TENM2: variants seen among roughly 807,000 people sequenced by gnomAD.
The protein encoded by TENM2 is teneurin transmembrane protein 2.
A neutral mutation model predicts 245.2 loss-of-function variants in TENM2; 52 were observed. The ratio of observed to expected loss-of-function variants is 0.21; its 90% confidence interval spans 0.17 to 0.27. TENM2 has a LOEUF of 0.27. TENM2 is among the 10% of genes least tolerant of loss of function. The pLI is 1.00. For missense variants in TENM2, 3,046 were observed against 3,666.8 expected, an observed-to-expected ratio of 0.83 and a Z score of 4.37; for synonymous variants, 1,363 against 1,438.9, an observed-to-expected ratio of 0.95 and a Z score of 1.19.
At chr5:168,245,045 G>A (rs959532773) in intron 26 of TENM2, among the ~76,000 whole-genome samples, 1 of 152,086 alleles carries the variant, frequency 6.6e-6, no homozygotes, top group Non-Finnish European at 1.5e-5. Flanking sequence ...GGGATTACAG[G>A]TATGAGTCAC....
intron 1 of TENM2, among the ~76,000 whole-genome samples, chr5:167,347,739 C>CT (rs1182232431): frequency 4.6e-5 from 7 of 151,890 alleles, no homozygotes; most frequent in African/African-American, 1.7e-4. Context: ...CTTCCTCCTC[C>CT]TGTCCTATCA....
chr5:167,562,387 A>AAG (rs1773650085), intron 2 of TENM2, among the ~76,000 whole-genome samples: 10 of 152,190 alleles, frequency 6.6e-5, no homozygotes, highest in Admixed American at 6.5e-4. Context: ...AAATAATTGC[A>AAG]GAACAATGGG....
At chr5:167,731,432 A>T (rs920989704) in intron 2 of TENM2, among the ~76,000 whole-genome samples, 1 of 152,096 alleles carries the variant, frequency 6.6e-6, no homozygotes, top group Admixed American at 6.6e-5. Flanking sequence ...AAACCAGGTC[A>T]TTCTTTGATC....
chr5:166,983,662 A>G, the TENM2 span, among the ~76,000 whole-genome samples: 3 of 152,078 alleles, frequency 2.0e-5, no homozygotes, highest in African/African-American at 4.8e-5. Flanking sequence ...TCTTATCAAC[A>G]TGGTGTTGCT....
chr5:167,344,846 TG>T (rs1758361616), intron 1 of TENM2, among the ~76,000 whole-genome samples: 1 of 152,054 alleles, frequency 6.6e-6, no homozygotes, highest in Admixed American at 6.5e-5. Context: ...CAGAAAGCAG[TG>T]GGGCAGCCAC....
chr5:167,529,736 A>G (rs1441356642), intron 2 of TENM2, among the ~76,000 whole-genome samples: 1 of 152,214 alleles, frequency 6.6e-6, no homozygotes, highest in Non-Finnish European at 1.5e-5. Flanking sequence ...TAAATTTTAC[A>G]GATTCTTTAA....
chr5:167,187,675 C>T, the TENM2 span, among the ~76,000 whole-genome samples: 2 of 152,114 alleles, frequency 1.3e-5, no homozygotes, highest in African/African-American at 4.8e-5. Context: ...CTTCTCCCTC[C>T]TACTCCTTGT....
the TENM2 span, among the ~76,000 whole-genome samples, chr5:167,216,912 G>A: frequency 2.6e-5 from 4 of 151,546 alleles, no homozygotes; most frequent in Admixed American, 6.6e-5. Context: ...GGGAGACAGC[G>A]TGAGACCCCA....
At chr5:167,733,823 G>A (rs894594886) in intron 2 of TENM2, among the ~76,000 whole-genome samples, 3 of 152,212 alleles carry the variant, frequency 2.0e-5, no homozygotes, top group African/African-American at 7.2e-5. Flanking sequence ...TAATGGAAGC[G>A]GCTATCATGT....
chr5:168,009,779 C>CCTAA (rs1190701080), intron 5 of TENM2, among the ~76,000 whole-genome samples: 3 of 152,190 alleles, frequency 2.0e-5, no homozygotes, highest in African/African-American at 7.2e-5. Context: ...TTATCTTCAT[C>CCTAA]CTAACTCTCA....
chr5:167,841,617 G>T (rs1051951344), intron 2 of TENM2, among the ~76,000 whole-genome samples: 2 of 152,132 alleles, frequency 1.3e-5, no homozygotes, highest in Non-Finnish European at 2.9e-5. Context: ...TAAGAAGAAG[G>T]ACATTCTGTT....
At chr5:167,526,161 G>A (rs988492491) in intron 2 of TENM2, among the ~76,000 whole-genome samples, 3 of 151,866 alleles carry the variant, frequency 2.0e-5, no homozygotes, top group Admixed American at 6.6e-5. Flanking sequence ...TATTTGCATA[G>A]CAATGTCTAG....
chr5:167,090,256 G>A, the TENM2 span, among the ~76,000 whole-genome samples: 1 of 150,492 alleles, frequency 6.6e-6, no homozygotes, highest in African/African-American at 2.4e-5. Flanking sequence ...AAAAAAGATG[G>A]TAGTTGCTTA....
At chr5:167,139,316 A>C in the TENM2 span, among the ~76,000 whole-genome samples, 2 of 152,230 alleles carry the variant, frequency 1.3e-5, no homozygotes, top group African/African-American at 2.4e-5. Context: ...AATGAGAATT[A>C]AAATGGATAA....
At chr5:168,161,357 T>C (rs538611904) in intron 12 of TENM2, among the ~76,000 whole-genome samples, 1 of 152,302 alleles carries the variant, frequency 6.6e-6, no homozygotes, top group African/African-American at 2.4e-5. Context: ...GGAAATTACT[T>C]TCTGGGGAAA....
intron 2 of TENM2, among the ~76,000 whole-genome samples, chr5:167,375,785 C>T (rs1250820147): frequency 2.0e-5 from 3 of 152,236 alleles, no homozygotes; most frequent in Non-Finnish European, 4.4e-5. Context: ...TAGAAAATGT[C>T]CTCTCTCCAC....
the TENM2 span, among the ~76,000 whole-genome samples, chr5:167,152,855 T>C: frequency 2.0e-5 from 3 of 152,116 alleles, no homozygotes; most frequent in East Asian, 5.8e-4. Context: ...TACTTCTACA[T>C]TGTTTATTTC....
chr5:167,960,977 C>T (rs939576120), intron 4 of TENM2, among the ~76,000 whole-genome samples: 17 of 152,208 alleles, frequency 1.1e-4, no homozygotes, highest in African/African-American at 3.9e-4. Flanking sequence ...CTTGTGCTTC[C>T]TGGGTGAGGC....
chr5:167,911,468 C>A (rs1472225727), intron 3 of TENM2, among the ~76,000 whole-genome samples: 4 of 152,212 alleles, frequency 2.6e-5, no homozygotes, highest in South Asian at 2.1e-4. Context: ...CGGAGCTTGC[C>A]GTGAGCCGAG....
Sources: gnomAD v4.1 joint callset for allele counts (sites outside exome capture counted in the v4.1 genomes callset) on GRCh38, gnomAD v4.1.1 for gene constraint, MANE v1.5 for transcripts, NCBI Gene and HGNC (gene_info 2026-07-23, HGNC 2026-07-21) for gene names.